The following FAM135B variants were observed in gnomAD, a reference collection of about 807,000 sequenced individuals.
FAM135B encodes protein FAM135B.
A neutral mutation model predicts 127.7 loss-of-function variants in FAM135B; 43 were observed. The ratio of observed to expected loss-of-function variants is 0.34; its 90% CI spans 0.26 to 0.43. The LOEUF is 0.43. Ranked by LOEUF, FAM135B falls within the 20% of genes least tolerant of loss-of-function variation. The probability of loss-of-function intolerance (pLI) is 1.00; values close to 1 mark genes in which losing one functional copy is unlikely to be tolerated. For missense variants in FAM135B, 1,558 were observed against 1,725.6 expected (o/e 0.90, Z 1.72); for synonymous variants, 670 against 665.1 (o/e 1.01, Z -0.11).
intron 2 of FAM135B, among the ~76,000 whole-genome samples, chr8:138,337,388 C>T (rs1421431219): frequency 6.6e-6 from 1 of 152,114 alleles, no homozygotes; most frequent in African/African-American, 2.4e-5. Context: ...TCTCCTTAAG[C>T]TGATAGTCAA....
At chr8:138,355,645 T>A (rs1830049956) in intron 2 of FAM135B, among the ~76,000 whole-genome samples, 1 of 152,138 alleles carries the variant, frequency 6.6e-6, no homozygotes, top group Non-Finnish European at 1.5e-5. Flanking sequence ...AAAACCCACA[T>A]TATCTTCTCG....
At chr8:138,199,049 A>G (rs1586751877) in intron 7 of FAM135B, among the ~76,000 whole-genome samples, 1 of 152,180 alleles carries the variant, frequency 6.6e-6, no homozygotes, top group Non-Finnish European at 1.5e-5. Context: ...GTGAGTCTGC[A>G]CAGCCAATGA....
At chr8:138,298,201 G>C (rs1056935108) in intron 3 of FAM135B, among the ~76,000 whole-genome samples, 3 of 152,172 alleles carry the variant, frequency 2.0e-5, no homozygotes, top group African/African-American at 7.2e-5. Flanking sequence ...ACACCACTCA[G>C]TAGGAGTGAT....
At chr8:138,485,310 T>A (rs2131686885) in intron 1 of FAM135B, among the ~76,000 whole-genome samples, 1 of 152,176 alleles carries the variant, frequency 6.6e-6, no homozygotes, top group Admixed American at 6.5e-5. Flanking sequence ...CCACACAAGG[T>A]CCCAGAGTCT....
At chr8:138,213,571 G>A (rs1045029859) in intron 7 of FAM135B, among the ~76,000 whole-genome samples, 2 of 151,166 alleles carry the variant, frequency 1.3e-5, no homozygotes, top group Non-Finnish European at 2.9e-5. Context: ...AGATCTGGCA[G>A]AAATAGCTTT....
chr8:138,305,691 T>C (rs1826191350), intron 3 of FAM135B, among the ~76,000 whole-genome samples: 1 of 152,234 alleles, frequency 6.6e-6, no homozygotes, highest in South Asian at 2.1e-4. Flanking sequence ...CAGGGCATAG[T>C]ACAATTTCTG....
At chr8:138,411,417 A>G (rs1016047120) in intron 1 of FAM135B, among the ~76,000 whole-genome samples, 2 of 152,176 alleles carry the variant, frequency 1.3e-5, no homozygotes, top group African/African-American at 4.8e-5. Context: ...TGGTGCTGGG[A>G]AAACTGGCTA....
chr8:138,431,305 C>A (rs746481638), intron 1 of FAM135B, among the ~76,000 whole-genome samples: 3 of 152,170 alleles, frequency 2.0e-5, no homozygotes, highest in Non-Finnish European at 4.4e-5. Context: ...ACAGACTGAA[C>A]TACCAAACAA....
intron 3 of FAM135B, among the ~76,000 whole-genome samples, chr8:138,299,741 G>A (rs1020716482): frequency 6.6e-6 from 1 of 152,082 alleles, no homozygotes. Flanking sequence ...GACCTTGTAG[G>A]TAGCTTTTCT....
In FAM135B at chr8:138,242,890, C is replaced by A. The variant is rs2130379828; in HGVS notation, c.669+52G>T. On this transcript the variant is annotated intron_variant, in intron 7 of 19. Transcript: ENST00000395297. The surrounding 1 kb of genome is among the most constrained non-coding windows in gnomAD (Gnocchi z 9.6). The stretch of plus-strand genomic sequence containing the variant: ...GCATGAATCTCATAGAACATACACT[C>A]TGCAAAGTAAAGTTTGAAAGTTTTG... 6.3e-7 allele frequency: 1 copy of A among 1,581,468 alleles called. No individual in the cohort carries two copies. The highest frequency in any genetic ancestry group is 8.6e-7 in the Non-Finnish European group (1 of 1,166,006).
At chr8:138,398,348 G>A (rs1168010596) in intron 1 of FAM135B, among the ~76,000 whole-genome samples, 1 of 152,188 alleles carries the variant, frequency 6.6e-6, no homozygotes, top group Admixed American at 6.6e-5. Context: ...TAGCCAAAAG[G>A]AAGTTGCTAA....
intron 16 of FAM135B, among the ~76,000 whole-genome samples, chr8:138,142,654 G>T (rs1344915900): frequency 1.3e-5 from 2 of 152,088 alleles, no homozygotes; most frequent in Admixed American, 6.6e-5. Context: ...TAAGAAAACA[G>T]AGGTTTAGAG....
At chr8:138,363,948 C>T (rs1830588871) in intron 2 of FAM135B, among the ~76,000 whole-genome samples, 1 of 152,148 alleles carries the variant, frequency 6.6e-6, no homozygotes, top group Non-Finnish European at 1.5e-5. Context: ...CAATCCCCAA[C>T]TCTAATTTTT....
At position 138,200,588 on chromosome 8, in the gene FAM135B, C is replaced by G. The variant is rs562346266; in HGVS notation, c.670-2919G>C. 1.5e-3 allele frequency among the ~76,000 whole-genome samples: 230 copies of G among 152,270 alleles called. 1 individual carries two copies. The highest frequency in any genetic ancestry group is 5.3e-3 in the African/African-American group (222 of 41,554). ...TAAATACGGTGAAACAAACAAAACC[C>G]CATCAATATCATCAAAGTAAACACA... is the stretch of plus-strand genomic sequence containing the variant. On this transcript the variant is annotated intron_variant, in intron 7 of 19. Transcript: ENST00000395297.
At chr8:138,213,955 G>GC (rs1434740600) in intron 7 of FAM135B, among the ~76,000 whole-genome samples, 1 of 67,746 alleles carries the variant, frequency 1.5e-5, no homozygotes, top group Non-Finnish European at 2.9e-5. Flanking sequence ...GTTCAGGATG[G>GC]CTTTGTGGGG....
intron 2 of FAM135B, chr8:138,367,409 T>A (rs530659257): frequency 1.8e-4 from 81 of 456,386 alleles, no homozygotes; most frequent in African/African-American, 1.5e-3. Context: ...TCAGACTGCA[T>A]CCTCAAAAAG....
intron 1 of FAM135B, among the ~76,000 whole-genome samples, chr8:138,389,724 A>C (rs1455802614): frequency 1.3e-5 from 2 of 152,190 alleles, no homozygotes; most frequent in African/African-American, 4.8e-5. Flanking sequence ...AAATATTTTG[A>C]GACTGCATAG....
At chr8:138,182,415 A>G (rs867273652) in intron 9 of FAM135B, among the ~76,000 whole-genome samples, 2 of 152,108 alleles carry the variant, frequency 1.3e-5, no homozygotes, top group South Asian at 2.1e-4. Flanking sequence ...CCCTGAAAAA[A>G]GGCCCTGCCA....
chr8:138,414,455 T>C (rs952496849), intron 1 of FAM135B, among the ~76,000 whole-genome samples: 21 of 152,122 alleles, frequency 1.4e-4, no homozygotes, highest in African/African-American at 4.1e-4. Context: ...GCATTCTTCA[T>C]TCCCGAAACA....
Sources: gnomAD v4.1 joint callset for allele counts (sites outside exome capture counted in the v4.1 genomes callset) on GRCh38, gnomAD v4.1.1 for gene constraint, Gnocchi (gnomAD v3.1) non-coding constraint, MANE v1.5 for transcripts, NCBI Gene and HGNC (gene_info 2026-07-23, HGNC 2026-07-21) for gene names.